The following KIF23 variants were observed in gnomAD, a reference collection of about 807,000 sequenced individuals.
The protein encoded by KIF23 is kinesin-like protein KIF23.
KIF23 carries 30 observed loss-of-function variants against 137.5 expected under a neutral mutation model. That is an observed-to-expected ratio of 0.22 (90% CI 0.16 to 0.30). The LOEUF (loss-of-function observed/expected upper bound fraction) is 0.30, where lower values mean the gene tolerates loss of function less well. KIF23 is among the 10% of genes least tolerant of loss of function. The probability of loss-of-function intolerance (pLI) is 1.00; values close to 1 mark genes in which losing one functional copy is unlikely to be tolerated. For missense variants in KIF23, 920 were observed against 1,194.3 expected, an observed-to-expected ratio of 0.77 and a Z score of 3.38; for synonymous variants, 367 against 391.1, an observed-to-expected ratio of 0.94 and a Z score of 0.73.
intron 7 of KIF23, 147 bp from the exon 8 acceptor site, chr15:69,425,135 T>C (rs1321412608): frequency 1.6e-6 from 1 of 617,562 alleles, no homozygotes; most frequent in Non-Finnish European, 2.7e-6. Context: ...TAGTTAACTT[T>C]TAGTACTTTT....
intron 3 of KIF23, among the ~76,000 whole-genome samples, chr15:69,419,665 T>G (rs866494836): frequency 1.3e-5 from 2 of 152,350 alleles, no homozygotes; most frequent in African/African-American, 2.4e-5. Flanking sequence ...TCTATTTGTT[T>G]ACTTGTTTAT....
intron 11 of KIF23, 34 bp downstream of exon 11, chr15:69,429,247 A>G (rs151231380): frequency 7.0e-7 from 1 of 1,430,552 alleles, no homozygotes; most frequent in African/African-American, 1.4e-5. Flanking sequence ...TATTGCTACA[A>G]CTTTCAGAAA....
intron 11 of KIF23, among the ~76,000 whole-genome samples, chr15:69,430,968 A>G (rs1244590575): frequency 6.6e-6 from 1 of 152,154 alleles, no homozygotes; most frequent in Non-Finnish European, 1.5e-5. Context: ...CCCCTTAAAG[A>G]AGGATTAGTC....
chr15:69,439,324 TA>T (rs972346429), intron 16 of KIF23, among the ~76,000 whole-genome samples: 6 of 152,084 alleles, frequency 3.9e-5, no homozygotes, highest in African/African-American at 1.4e-4. Context: ...TTTTTTTTTT[TA>T]ATGAGATAAA....
At chr15:69,421,811 CTTT>C in intron 4 of KIF23, 59 bp downstream of exon 4, 1 of 1,353,948 alleles carries the variant, frequency 7.4e-7, no homozygotes, top group South Asian at 1.2e-5. Flanking sequence ...TCTGATAAAA[CTTT>C]TTTGATATTT....
At chr15:69,428,291 A>T (rs531919115) in intron 10 of KIF23, among the ~76,000 whole-genome samples, 34 of 151,864 alleles carry the variant, frequency 2.2e-4, no homozygotes, top group Admixed American at 1.0e-3. Flanking sequence ...TTCCATATGC[A>T]CCTGATTTCC....
At position 69,424,158 on chromosome 15, in the gene KIF23, A is replaced by G. The variant is rs1486687246; in HGVS notation, c.734+829A>G. Among the ~76,000 whole-genome samples, 3 of 152,326 alleles carry G rather than the reference A, an allele frequency of 2.0e-5. No individual in the cohort carries two copies. In the East Asian group the frequency reaches 5.8e-4, roughly 29 times the overall value. ...TACCAGTATATCCACTTTTAATTAC[A>G]TGAAGAATTTATGGACTCTGGTTGA... On this transcript the variant is annotated intron_variant, in intron 7 of 23. Transcript: ENST00000679126.
At chr15:69,445,546 A>C (rs1368690612) in intron 20 of KIF23, among the ~76,000 whole-genome samples, 1 of 35,160 alleles carries the variant, frequency 2.8e-5, no homozygotes, top group Non-Finnish European at 5.5e-5. Flanking sequence ...GTAAAAGATA[A>C]GACCAAAAAA....
Position 69,438,313 on chromosome 15 carries a change from C to A in KIF23, c.1663C>A (p.Gln555Lys), listed in dbSNP as rs773645130. The A allele has an allele frequency of 6.2e-7, 1 of 1,612,440 alleles. No individual in the cohort carries two copies. Among genetic ancestry groups the A allele is most frequent in the Admixed American group, 1.7e-5 (1 of 59,880 alleles). ...TGTTTTAAGTAAAGAAAACCACATG[C>A]AAGGGAAACTAAATGAAAAGGAGAA... ...NAVLSKENHM[Q>K]GKLNEKEKMI... is the part of the protein sequence containing the mutation. The change falls in exon 16 of 24, where the codon CAA (glutamine) becomes AAA (lysine). Residue 555 changes from glutamine (Q) to lysine (K), a missense_variant. By Grantham distance (53) the Gln-to-Lys change is moderately conservative. Transcript: ENST00000679126.
intron 15 of KIF23, 120 bp downstream of exon 15, chr15:69,436,842 CCT>C: frequency 1.8e-6 from 1 of 557,374 alleles, no homozygotes; most frequent in Non-Finnish European, 2.9e-6. Context: ...GCAACCTCCG[CCT>C]CCTGGGTTCA....
intron 19 of KIF23, chr15:69,443,679 A>G (rs774020695): frequency 7.2e-5 from 11 of 151,974 alleles, no homozygotes; most frequent in African/African-American, 1.7e-4. Context: ...AAGATAATTC[A>G]TTGCTTCAAA....
At position 69,414,454 on chromosome 15, in the gene KIF23, G is replaced by A; in HGVS notation, c.-12G>A. The A allele has an allele frequency of 1.3e-6, 2 of 1,588,746 alleles. No homozygotes were observed. The highest frequency in any genetic ancestry group is 1.7e-6 in the Non-Finnish European group (2 of 1,168,000). On this transcript the variant is annotated 5_prime_UTR_variant, in exon 1 of 24. The change creates a premature stop within an existing upstream ORF in the 5' untranslated region. Coordinates refer to ENST00000679126, the MANE Select transcript of KIF23 (RefSeq NM_001367805.3). ...CCCGCATGCGCGTTTGGGCGGCGTG[G>A]AGCCTGCTGCCATGAAGTCAGCGTG...
rs2057780691 is a variant in KIF23, at chr15:69,448,296, C to A, written c.*489C>A. On this transcript the variant is annotated 3_prime_UTR_variant, in exon 24 of 24. Transcript: ENST00000679126. The stretch of plus-strand genomic sequence containing the variant: ...AGAACTATTTGACAATTCAGACTTT[C>A]AAAATAAAGATGTAAATGACTGGCC... 1 of 152,586 alleles carries A rather than the reference C, an allele frequency of 6.6e-6. No homozygotes were observed. The highest frequency in any genetic ancestry group is 2.4e-5 in the African/African-American group (1 of 41,434). 9.5% of individuals were successfully genotyped at this position (152,586 alleles called of 1,614,324 possible).
intron 4 of KIF23, 51 bp from the exon 5 acceptor site, chr15:69,421,941 C>T (rs1453025574): frequency 6.3e-7 from 1 of 1,595,276 alleles, no homozygotes; most frequent in South Asian, 1.1e-5. Flanking sequence ...AAGAAATACT[C>T]TAAGTGGAGA....
chr15:69,416,081 A>G lies in KIF23; in HGVS notation c.81+18A>G. 1 of 1,526,988 alleles carries G rather than the reference A, an allele frequency of 6.5e-7. No homozygotes were observed. Among genetic ancestry groups the G allele is most frequent in the South Asian group, 1.3e-5 (1 of 77,840 alleles). The allele number at this position is 1,526,988 out of a possible 1,614,324, so 94.6% of individuals were successfully genotyped here. ...CAGTTGGGGTAAGGTATCCCTGTAAATTTATGTGTGGTGTTTAAGAAACTT... is the reference window on the plus strand; with the variant it reads ...CAGTTGGGGTAAGGTATCCCTGTAAGTTTATGTGTGGTGTTTAAGAAACTT... On this transcript the variant is annotated intron_variant, in intron 2 of 23. Coordinates refer to ENST00000679126, the MANE Select transcript of KIF23 (RefSeq NM_001367805.3).
chr15:69,434,159 G>A (rs939602438), intron 11 of KIF23, among the ~76,000 whole-genome samples: 1 of 152,192 alleles, frequency 6.6e-6, no homozygotes, highest in African/African-American at 2.4e-5. Context: ...TTGAACGACT[G>A]ATCATCCTAG....
intron 22 of KIF23, 75 bp from the exon 23 acceptor site, chr15:69,446,796 G>A (rs991727154): frequency 3.1e-6 from 4 of 1,303,432 alleles, no homozygotes; most frequent in Non-Finnish European, 4.5e-6. Context: ...CCTAGGTGTG[G>A]AGCCTGCTAA....
chr15:69,431,133 T>A (rs913373646), intron 11 of KIF23, among the ~76,000 whole-genome samples: 2 of 152,128 alleles, frequency 1.3e-5, no homozygotes, highest in Admixed American at 6.5e-5. Flanking sequence ...CTAGTTAGGA[T>A]GTGGAGAATA....
rs751645121 is a variant in KIF23 at position 69,436,730 on chromosome 15, CAA to C, written c.1597+11_1597+12del. ...ATGAGTTTAACAAACAATGTAAGGG[CAA>C]AACTATTTGAAATAATTTTATTTAA... On this transcript the variant is annotated intron_variant, in intron 15 of 23. Transcript: ENST00000679126. 6.8e-7 allele frequency: 1 copy of C among 1,462,440 alleles called. No homozygotes were observed. 90.6% of individuals were successfully genotyped at this position (1,462,440 alleles called of 1,614,324 possible).
Sources: gnomAD v4.1 joint callset for allele counts (sites outside exome capture counted in the v4.1 genomes callset) on GRCh38, gnomAD v4.1.1 for gene constraint, MANE v1.5 for transcripts, NCBI Gene and HGNC (gene_info 2026-07-23, HGNC 2026-07-21) for gene names.